The following TEAD1 variants were observed in gnomAD, a reference collection of about 807,000 sequenced individuals.
TEAD1 encodes the protein TEA domain transcription factor 1, also known as transcriptional enhancer factor TEF-1.
Under a neutral mutation model 54.9 loss-of-function variants are expected in TEAD1, and 9 were observed. That is an observed-to-expected ratio of 0.16 (90% confidence interval 0.10 to 0.29). The LOEUF (loss-of-function observed/expected upper bound fraction) is 0.29. TEAD1 is among the 10% of genes least tolerant of loss of function. The probability of loss-of-function intolerance (pLI) is 1.00; values close to 1 mark genes in which losing one functional copy is unlikely to be tolerated. For missense variants in TEAD1, 387 were observed against 535.9 expected (o/e 0.72, Z 2.74); for synonymous variants, 200 against 187.8 (o/e 1.07, Z -0.53).
chr11:12,773,483 A>G (rs539041722), intron 3 of TEAD1, among the ~76,000 whole-genome samples: 1 of 152,260 alleles, frequency 6.6e-6, no homozygotes, highest in African/African-American at 2.4e-5. Context: ...TTGATACCTC[A>G]TGTGGTTTTA....
intron 9 of TEAD1, among the ~76,000 whole-genome samples, chr11:12,891,186 C>T (rs975705797): frequency 5.9e-5 from 9 of 152,208 alleles, no homozygotes; most frequent in Admixed American, 5.9e-4. Context: ...CTATCCTACC[C>T]TTAAGTAGGT....
At chr11:12,864,614 C>A in intron 4 of TEAD1, 2 of 641,124 alleles carry the variant, frequency 3.1e-6, no homozygotes, top group Non-Finnish European at 4.4e-6. Context: ...TATTTGATTT[C>A]CTTTTTTGTT....
intron 3 of TEAD1, among the ~76,000 whole-genome samples, chr11:12,811,228 A>G (rs2133988518): frequency 6.6e-6 from 1 of 152,360 alleles, no homozygotes; most frequent in East Asian, 1.9e-4. Context: ...TTCAGAAGAG[A>G]ATCACACATC....
At chr11:12,863,370 C>T (rs1947548133) in intron 4 of TEAD1, among the ~76,000 whole-genome samples, 2 of 152,138 alleles carry the variant, frequency 1.3e-5, no homozygotes, top group South Asian at 2.1e-4. Flanking sequence ...TAGTGGCCCT[C>T]GTCAAGTCAG....
At chr11:12,855,437 G>GCC (rs1383957682) in intron 3 of TEAD1, among the ~76,000 whole-genome samples, 6 of 152,006 alleles carry the variant, frequency 3.9e-5, no homozygotes, top group Non-Finnish European at 8.8e-5. Flanking sequence ...TTACAGGCAT[G>GCC]TGCCACCACG....
chr11:12,798,847 C>G lies in TEAD1; in HGVS notation c.202+34413C>G, dbSNP rs377718902. On this transcript the variant is annotated intron_variant, in intron 3 of 12. Coordinates refer to ENST00000527636, the MANE Select transcript of TEAD1 (RefSeq NM_021961.6). ...TTGGATGCCTTTAGGCGGTGCCATC[C>G]TACTCATGAGGGAAGCAGTGCTGTT... 3.9e-5 allele frequency among the ~76,000 whole-genome samples: 6 copies of G among 152,298 alleles called. No homozygotes were observed. In the South Asian group the frequency reaches 6.2e-4, roughly 16 times the overall value.
At chr11:12,808,054 A>G (rs1946214764) in intron 3 of TEAD1, among the ~76,000 whole-genome samples, 2 of 152,212 alleles carry the variant, frequency 1.3e-5, no homozygotes, top group Non-Finnish European at 1.5e-5. Flanking sequence ...TTGTTTCTAA[A>G]TGAATATAGT....
chr11:12,726,961 T>G (rs1298622883), intron 2 of TEAD1, among the ~76,000 whole-genome samples: 1 of 152,180 alleles, frequency 6.6e-6, no homozygotes, highest in Non-Finnish European at 1.5e-5. Flanking sequence ...ATGAGTCAGC[T>G]GGGTGTGGTG....
chr11:12,780,675 A>G (rs1945523750), intron 3 of TEAD1, among the ~76,000 whole-genome samples: 1 of 152,270 alleles, frequency 6.6e-6, no homozygotes, highest in South Asian at 2.1e-4. Context: ...ATTTACCTCC[A>G]AAACTACAAA....
At chr11:12,902,248 G>C in intron 10 of TEAD1, 135 bp downstream of exon 10, 1 of 1,222,404 alleles carries the variant, frequency 8.2e-7, no homozygotes, top group South Asian at 1.2e-5. Context: ...ATTGCCAAGG[G>C]AGCACGGACT....
rs1467842667 is a variant in TEAD1 at position 12,942,488 on chromosome 11, G to T, written c.*5266G>T. On this transcript the variant is annotated 3_prime_UTR_variant, in exon 13 of 13. Transcript: ENST00000527636. ...TTTGTGTGTGCTGATGACCTAGTGT[G>T]TCATTTCACCTCGTCACCCAGCCCT... 4 of 152,174 alleles carry T rather than the reference G, an allele frequency of 2.6e-5. No homozygotes were observed. The highest frequency in any genetic ancestry group is 9.7e-5 in the African/African-American group (4 of 41,442). 9.4% of individuals were successfully genotyped at this position (152,174 alleles called of 1,614,324 possible). A position where few individuals can be genotyped will look rare whatever the true frequency, so the allele number is the denominator to read the frequency against.
Position 12,780,412 on chromosome 11 carries a change from T to A in TEAD1, c.202+15978T>A, listed in dbSNP as rs940928351. Among the ~76,000 whole-genome samples, 3 of 151,820 alleles carry A rather than the reference T, an allele frequency of 2.0e-5. No individual in the cohort carries two copies. In the South Asian group the frequency reaches 6.3e-4, roughly 32 times the overall value. ...GTGCCTGCCACCATACCCAGCTAAG[T>A]TTTGTATTTTTAGTAGAGACATGGT... is the stretch of plus-strand genomic sequence containing the variant. On this transcript the variant is annotated intron_variant, in intron 3 of 12. Transcript: ENST00000527636.
intron 2 of TEAD1, among the ~76,000 whole-genome samples, chr11:12,726,230 T>C (rs184640157): frequency 6.6e-6 from 1 of 152,264 alleles, no homozygotes; most frequent in African/African-American, 2.4e-5. Context: ...AAGGTTTCCT[T>C]GAAAGAGTGG....
chr11:12,900,270 AGGCT>A (rs1362937398), intron 9 of TEAD1, among the ~76,000 whole-genome samples: 8 of 150,440 alleles, frequency 5.3e-5, no homozygotes, highest in Non-Finnish European at 1.2e-4. Flanking sequence ...TGTGTTGTCC[AGGCT>A]GGTCTCAAAC....
intron 3 of TEAD1, among the ~76,000 whole-genome samples, chr11:12,795,941 C>T (rs1247563156): frequency 6.6e-6 from 1 of 152,272 alleles, no homozygotes; most frequent in East Asian, 1.9e-4. Flanking sequence ...TTAAAAGCTG[C>T]CCAGATTATT....
chr11:12,930,406 C>T (rs1589999932), intron 12 of TEAD1, 80 bp downstream of exon 12: 7 of 1,570,624 alleles, frequency 4.5e-6, no homozygotes, highest in Non-Finnish European at 6.1e-6. Context: ...GCCTGGGAGG[C>T]GCTGGGCCTG....
intron 3 of TEAD1, among the ~76,000 whole-genome samples, chr11:12,827,110 A>T (rs1323783255): frequency 6.6e-6 from 1 of 152,212 alleles, no homozygotes; most frequent in Non-Finnish European, 1.5e-5. Context: ...GATAGAACTC[A>T]GTGGATTTTC....
At chr11:12,767,811 C>T (rs1945235388) in intron 3 of TEAD1, among the ~76,000 whole-genome samples, 1 of 152,148 alleles carries the variant, frequency 6.6e-6, no homozygotes, top group African/African-American at 2.4e-5. Flanking sequence ...CATGTGTGCT[C>T]AGTCCCTGGG....
At chr11:12,697,315 T>G (rs1396659917) in intron 2 of TEAD1, among the ~76,000 whole-genome samples, 1 of 152,154 alleles carries the variant, frequency 6.6e-6, no homozygotes, top group African/African-American at 2.4e-5. Flanking sequence ...TATTAGCAAA[T>G]GGATTATATA....
Sources: gnomAD v4.1 joint callset for allele counts (sites outside exome capture counted in the v4.1 genomes callset) on GRCh38, gnomAD v4.1.1 for gene constraint, MANE v1.5 for transcripts, NCBI Gene and HGNC (gene_info 2026-07-23, HGNC 2026-07-21) for gene names.